The following TNNI3K variants were observed in gnomAD, a reference collection of about 807,000 sequenced individuals.
The protein encoded by TNNI3K is serine/threonine-protein kinase TNNI3K.
Under a neutral mutation model 114.5 loss-of-function variants are expected in TNNI3K, and 140 were observed. The ratio of observed to expected loss-of-function variants is 1.22; its 90% CI spans 1.07 to 1.41. The LOEUF (loss-of-function observed/expected upper bound fraction) is 1.41. TNNI3K is among the 40% of genes most tolerant of loss of function. TNNI3K has a pLI of 0.00. For missense variants in TNNI3K, 1,125 were observed against 1,007.6 expected (o/e 1.12, Z -1.58); for synonymous variants, 347 against 347.5 (o/e 1.00, Z 0.02).
chr1:74,498,184 A>G (rs570981020), intron 23 of TNNI3K, among the ~76,000 whole-genome samples: 1 of 152,352 alleles, frequency 6.6e-6, no homozygotes, highest in African/African-American at 2.4e-5. Flanking sequence ...ACTAGTTCCC[A>G]TAAACACCCC....
At chr1:74,347,513 C>G (rs1661081105) in intron 9 of TNNI3K, among the ~76,000 whole-genome samples, 2 of 152,194 alleles carry the variant, frequency 1.3e-5, no homozygotes, top group South Asian at 4.2e-4. Context: ...TGGGTATATA[C>G]CCAGTAATGG....
chr1:74,489,315 G>A lies in TNNI3K; in HGVS notation c.2181+67G>A, dbSNP rs1035056866. ...TGCATATCCAAGGCTGTCAGGGAAT[G>A]TAGATGAGCTGGTGCTTATGAAAAG... On this transcript the variant is annotated intron_variant, in intron 22 of 24. Transcript: ENST00000326637. The A allele has an allele frequency of 5.3e-6, 8 of 1,519,866 alleles. No individual in the cohort carries two copies. The African/African-American group carries it at 7.0e-5, about 13-fold the overall frequency. The allele number at this position is 1,519,866 out of a possible 1,614,324, so 94.1% of individuals were successfully genotyped here.
intron 17 of TNNI3K, among the ~76,000 whole-genome samples, chr1:74,408,699 A>C (rs1664738258): frequency 6.6e-6 from 1 of 152,194 alleles, no homozygotes. Flanking sequence ...TAGAAAGTTA[A>C]ATCCTTCTTT....
At chr1:74,537,080 G>C (rs1646668878) in intron 23 of TNNI3K, among the ~76,000 whole-genome samples, 1 of 152,252 alleles carries the variant, frequency 6.6e-6, no homozygotes, top group Non-Finnish European at 1.5e-5. Flanking sequence ...GGTATCTCTT[G>C]GGCAAAAAGG....
At chr1:74,260,693 G>C (rs1228821923) in intron 4 of TNNI3K, among the ~76,000 whole-genome samples, 1 of 151,886 alleles carries the variant, frequency 6.6e-6, no homozygotes, top group Non-Finnish European at 1.5e-5. Flanking sequence ...ATTTTGCATA[G>C]AAAAATTAAA....
intron 5 of TNNI3K, among the ~76,000 whole-genome samples, chr1:74,329,040 C>T (rs1660061690): frequency 6.6e-6 from 1 of 152,076 alleles, no homozygotes; most frequent in African/African-American, 2.4e-5. Context: ...TCTATGGAGC[C>T]TCTACTGACA....
chr1:74,540,153 T>C, intron 23 of TNNI3K, 81 bp from the exon 24 acceptor site: 1 of 1,473,152 alleles, frequency 6.8e-7, no homozygotes, highest in Non-Finnish European at 9.3e-7. Flanking sequence ...GGGATCTATG[T>C]TGAGTGGAAA....
intron 2 of TNNI3K, among the ~76,000 whole-genome samples, chr1:74,236,590 G>T (rs1653872549): frequency 6.6e-6 from 1 of 151,746 alleles, no homozygotes; most frequent in African/African-American, 2.4e-5. Flanking sequence ...TGGCCACATT[G>T]TTCTCTTTGA....
At chr1:74,433,905 GCTAGAGTTTTGGAGGTTAT>G (rs748604333) in intron 17 of TNNI3K, among the ~76,000 whole-genome samples, 3 of 151,946 alleles carry the variant, frequency 2.0e-5, no homozygotes, top group Non-Finnish European at 2.9e-5. Flanking sequence ...AGAAGACAAA[GCTAGAGTTTTGGAGGTTAT>G]CTTTGTTTTT....
chr1:74,477,849 T>C (rs1181641004), intron 21 of TNNI3K, among the ~76,000 whole-genome samples: 2 of 152,214 alleles, frequency 1.3e-5, no homozygotes, highest in Admixed American at 1.3e-4. Context: ...AAAAGTGTTC[T>C]AACAATCTAC....
chr1:74,437,291 G>C (rs995315380), intron 19 of TNNI3K, among the ~76,000 whole-genome samples: 13 of 151,950 alleles, frequency 8.6e-5, no homozygotes, highest in Non-Finnish European at 1.8e-4. Context: ...TGTCATAATA[G>C]GCTTCTAACT....
intron 17 of TNNI3K, chr1:74,375,819 G>C (rs1162038731): frequency 7.7e-6 from 2 of 260,164 alleles, no homozygotes; most frequent in Non-Finnish European, 1.6e-5. Context: ...ACAGCTGGCT[G>C]TGCGTGAATT....
Position 74,394,811 on chromosome 1 carries a change from G to A in TNNI3K, c.1772+24419G>A, listed in dbSNP as rs183252231. Among the ~76,000 whole-genome samples, 446 of 152,314 alleles carry A rather than the reference G, an allele frequency of 2.9e-3. 4 individuals carry two copies. Among genetic ancestry groups the A allele is most frequent in the African/African-American group, 0.01 (434 of 41,578 alleles). On this transcript the variant is annotated intron_variant, in intron 17 of 24. Coordinates refer to ENST00000326637, the MANE Select transcript of TNNI3K (RefSeq NM_015978.3). ...TGTAATCCCAGCACTTTGGGAGGCT[G>A]AGGCGGGTGGATCATGAGGTCAGGA... is the stretch of plus-strand genomic sequence containing the variant.
chr1:74,424,937 A>C (rs1557557999), intron 17 of TNNI3K, among the ~76,000 whole-genome samples: 1 of 152,116 alleles, frequency 6.6e-6, no homozygotes, highest in African/African-American at 2.4e-5. Context: ...AGAGAAAAAA[A>C]GTAGTAAGAA....
chr1:74,351,349 T>C (rs1661327943), intron 9 of TNNI3K, among the ~76,000 whole-genome samples: 1 of 151,590 alleles, frequency 6.6e-6, no homozygotes, highest in Non-Finnish European at 1.5e-5. Flanking sequence ...GTTAGTCTGA[T>C]GGGCTTCCCT....
intron 20 of TNNI3K, among the ~76,000 whole-genome samples, chr1:74,452,328 G>A (rs1046593155): frequency 6.6e-6 from 1 of 152,098 alleles, no homozygotes; most frequent in Non-Finnish European, 1.5e-5. Context: ...GCAAGATTAG[G>A]AAAAAGTGTA....
At chr1:74,303,730 C>G (rs1026658850) in intron 5 of TNNI3K, among the ~76,000 whole-genome samples, 36 of 152,108 alleles carry the variant, frequency 2.4e-4, no homozygotes, top group African/African-American at 8.5e-4. Flanking sequence ...GATAGTGATT[C>G]CTCTGATGGA....
At chr1:74,464,919 A>G in intron 21 of TNNI3K, 1 of 1,282,586 alleles carries the variant, frequency 7.8e-7, no homozygotes, top group Non-Finnish European at 9.8e-7. Context: ...ATGAATGAAT[A>G]CCAGTATTGC....
intron 21 of TNNI3K, chr1:74,471,824 C>T (rs1667946884): frequency 2.3e-6 from 1 of 434,408 alleles, no homozygotes; most frequent in Non-Finnish European, 4.1e-6. Context: ...TGCTCTTTCT[C>T]AGGCTTTGAG....
Sources: gnomAD v4.1 joint callset for allele counts (sites outside exome capture counted in the v4.1 genomes callset) on GRCh38, gnomAD v4.1.1 for gene constraint, MANE v1.5 for transcripts, NCBI Gene and HGNC (gene_info 2026-07-23, HGNC 2026-07-21) for gene names.